DPP10: variants seen among roughly 807,000 people sequenced by gnomAD.
The protein encoded by DPP10 is inactive dipeptidyl peptidase 10.
DPP10 carries 33 observed loss-of-function variants against 120.9 expected under a neutral mutation model. The observed-to-expected ratio is 0.27, with a 90% CI of 0.21 to 0.37. The LOEUF (loss-of-function observed/expected upper bound fraction) is 0.37. Among genes scored for constraint, DPP10 ranks in the 10% least tolerant of loss-of-function variants. The pLI, the probability that DPP10 is intolerant of heterozygous loss-of-function variation, is 1.00. For synonymous variants in DPP10, 337 were observed against 326.1 expected (o/e 1.03, Z -0.36); for missense variants, 816 against 942.8 (o/e 0.87, Z 1.76).
Position 114,757,757 on chromosome 2 carries a change from A to G in DPP10, c.60+314919A>G, listed in dbSNP as rs535747666. On this transcript the variant is annotated intron_variant, in intron 1 of 25. Transcript: ENST00000410059. ...CTGCCCCAGACCTACCACACCAGCA[A>G]CTCTGGGGTTAGGGCCCAGCATTCT... is the stretch of plus-strand genomic sequence containing the variant. Among the ~76,000 whole-genome samples, 12 of 152,138 alleles carry G rather than the reference A, an allele frequency of 7.9e-5. No individual in the cohort carries two copies. The East Asian group carries it at 2.3e-3, about 30-fold the overall frequency.
At chr2:115,778,853 G>A (rs922908666) in intron 15 of DPP10, among the ~76,000 whole-genome samples, 1 of 151,932 alleles carries the variant, frequency 6.6e-6, no homozygotes, top group African/African-American at 2.4e-5. Flanking sequence ...CTCCTGGAAC[G>A]CATGTTCTTA....
intron 1 of DPP10, among the ~76,000 whole-genome samples, chr2:114,490,943 A>G (rs142677570): frequency 1.3e-3 from 195 of 152,304 alleles, no homozygotes; most frequent in Middle Eastern, 6.8e-3. Flanking sequence ...TTAAAGATGT[A>G]GTTGAATCCT....
intron 1 of DPP10, among the ~76,000 whole-genome samples, chr2:114,861,975 T>A (rs1689841565): frequency 6.6e-6 from 1 of 152,184 alleles, no homozygotes; most frequent in South Asian, 2.1e-4. Flanking sequence ...ATAATTTTTT[T>A]AAATCAGTCA....
intron 19 of DPP10, among the ~76,000 whole-genome samples, chr2:115,802,655 A>C (rs1271239696): frequency 2.6e-5 from 4 of 152,146 alleles, no homozygotes; most frequent in Non-Finnish European, 5.9e-5. Flanking sequence ...GGTTTCAAGG[A>C]ACATCTTTAT....
At chr2:115,207,416 C>CAAAAAAAAAAAAAAAAAAAAAA (rs57462947) in intron 1 of DPP10, among the ~76,000 whole-genome samples, 5 of 52,302 alleles carry the variant, frequency 9.6e-5, no homozygotes, top group African/African-American at 3.3e-4. Flanking sequence ...CTTACTGCAC[C>CAAAAAAAAAAAAAAAAAAAAAA]AAAAAAAAAA....
chr2:115,459,465 G>C (rs992069635), intron 3 of DPP10, among the ~76,000 whole-genome samples: 5 of 152,012 alleles, frequency 3.3e-5, no homozygotes, highest in African/African-American at 9.7e-5. Flanking sequence ...CTGTGAGTTT[G>C]ATTTTAATAT....
intron 5 of DPP10, among the ~76,000 whole-genome samples, chr2:115,563,998 A>C (rs899591276): frequency 2.0e-5 from 3 of 152,176 alleles, no homozygotes; most frequent in African/African-American, 7.2e-5. Flanking sequence ...ATTTAAAAAT[A>C]GGTTTACATT....
chr2:115,658,533 TA>T (rs1344848602), intron 5 of DPP10, among the ~76,000 whole-genome samples: 3 of 152,060 alleles, frequency 2.0e-5, no homozygotes, highest in Admixed American at 1.3e-4. Context: ...TTACCAATGG[TA>T]GGCACTGGTT....
chr2:114,506,714 T>A (rs72951816), intron 1 of DPP10, among the ~76,000 whole-genome samples: 7,320 of 152,042 alleles, frequency 0.048, 259 homozygotes, highest in African/African-American at 0.094. Flanking sequence ...CCACAAAAGG[T>A]GGAACACAAC....
At chr2:114,535,884 G>T (rs1031145212) in intron 1 of DPP10, among the ~76,000 whole-genome samples, 1 of 152,032 alleles carries the variant, frequency 6.6e-6, no homozygotes, top group Non-Finnish European at 1.5e-5. Flanking sequence ...GCTTTCCTGG[G>T]TGCAGCACTT....
chr2:115,618,927 G>T (rs1427035874), intron 5 of DPP10, among the ~76,000 whole-genome samples: 1 of 150,872 alleles, frequency 6.6e-6, no homozygotes, highest in Non-Finnish European at 1.5e-5. Flanking sequence ...GGTAGTTTAT[G>T]GTTCTGTTAC....
At chr2:115,504,267 A>C (rs553284150) in intron 4 of DPP10, among the ~76,000 whole-genome samples, 1 of 112,296 alleles carries the variant, frequency 8.9e-6, no homozygotes, top group African/African-American at 3.4e-5. Context: ...TTATTTGGCT[A>C]TTGCCAACTT....
intron 21 of DPP10, among the ~76,000 whole-genome samples, chr2:115,817,178 C>A (rs1687335620): frequency 1.3e-5 from 2 of 151,730 alleles, no homozygotes; most frequent in African/African-American, 4.8e-5. Flanking sequence ...TCCCGGGAGG[C>A]AGAGTTTGAA....
At chr2:115,495,229 A>G (rs1324620103) in intron 3 of DPP10, among the ~76,000 whole-genome samples, 1 of 152,042 alleles carries the variant, frequency 6.6e-6, no homozygotes, top group Non-Finnish European at 1.5e-5. Context: ...TTGGTTAGGC[A>G]CATTTCAAGA....
chr2:115,044,033 T>G (rs1220671222), intron 1 of DPP10, among the ~76,000 whole-genome samples: 1 of 152,222 alleles, frequency 6.6e-6, no homozygotes, highest in Non-Finnish European at 1.5e-5. Flanking sequence ...TATCCTTTCT[T>G]TGTGTTACAG....
intron 4 of DPP10, among the ~76,000 whole-genome samples, chr2:115,524,333 A>C (rs569658339): frequency 3.4e-4 from 52 of 152,260 alleles, no homozygotes; most frequent in African/African-American, 1.2e-3. Context: ...GAATGACTCA[A>C]AGAGCTCGGA....
chr2:114,500,514 C>A (rs1683060917), intron 1 of DPP10, among the ~76,000 whole-genome samples: 1 of 152,178 alleles, frequency 6.6e-6, no homozygotes. Flanking sequence ...AGCCCCAGTT[C>A]TCTTCTAAAT....
intron 1 of DPP10, among the ~76,000 whole-genome samples, chr2:114,871,563 A>G (rs1401141467): frequency 1.3e-5 from 2 of 152,206 alleles, no homozygotes; most frequent in Non-Finnish European, 2.9e-5. Flanking sequence ...ATGCTAACCC[A>G]TTATACTTTG....
intron 5 of DPP10, among the ~76,000 whole-genome samples, chr2:115,630,770 A>G (rs1575389905): frequency 6.6e-6 from 1 of 152,126 alleles, no homozygotes. Flanking sequence ...ATCATGGTGG[A>G]TAAGCTTTTT....
Sources: allele counts gnomAD v4.1 joint callset (sites outside exome capture counted in the v4.1 genomes callset), GRCh38; gene constraint gnomAD v4.1.1; transcripts MANE v1.5; gene names NCBI Gene and HGNC (gene_info 2026-07-23, HGNC 2026-07-21).